SEC23B: variants seen among roughly 807,000 people sequenced by gnomAD.
SEC23B encodes the protein SEC23 homolog B, COPII component.
Under a neutral mutation model 104.3 loss-of-function variants are expected in SEC23B, and 77 were observed. The ratio of observed to expected loss-of-function variants is 0.74; its 90% confidence interval spans 0.61 to 0.89. The LOEUF (loss-of-function observed/expected upper bound fraction) is 0.89, where lower values mean the gene tolerates loss of function less well. Ranked by LOEUF, SEC23B falls within the 40% of genes least tolerant of loss-of-function variation. SEC23B has a pLI of 0.00. For synonymous variants in SEC23B, 338 were observed against 332.5 expected, an observed-to-expected ratio of 1.02 and a Z score of -0.18; for missense variants, 885 against 949.4, an observed-to-expected ratio of 0.93 and a Z score of 0.89.
intron 10 of SEC23B, among the ~76,000 whole-genome samples, chr20:18,532,133 T>C (rs1056449236): frequency 6.6e-6 from 1 of 152,240 alleles, no homozygotes; most frequent in Non-Finnish European, 1.5e-5. Flanking sequence ...TTAAATCATC[T>C]AGGTTAGACT....
intron 7 of SEC23B, 107 bp downstream of exon 7, chr20:18,526,039 T>C (rs756623301): frequency 5.9e-5 from 76 of 1,294,152 alleles, no homozygotes; most frequent in Non-Finnish European, 8.5e-5. Flanking sequence ...CAACCGTCTG[T>C]GTTAATGTAT....
intron 14 of SEC23B, 78 bp downstream of exon 14, chr20:18,543,250 T>C: frequency 6.4e-7 from 1 of 1,560,908 alleles, no homozygotes; most frequent in Non-Finnish European, 8.8e-7. Flanking sequence ...ACTTAATTAT[T>C]ATTATATAGT....
chr20:18,537,056 AC>A (rs2060238422), intron 12 of SEC23B, among the ~76,000 whole-genome samples: 1 of 152,122 alleles, frequency 6.6e-6, no homozygotes, highest in Non-Finnish European at 1.5e-5. Context: ...TACAGTTCAA[AC>A]CTGTGTTACT....
intron 2 of SEC23B, among the ~76,000 whole-genome samples, chr20:18,512,017 T>C (rs1391950455): frequency 1.3e-5 from 2 of 152,240 alleles, no homozygotes; most frequent in East Asian, 1.9e-4. Context: ...TCACTGTGGC[T>C]GTTTGATGGA....
At chr20:18,523,207 C>G (rs568458965) in intron 4 of SEC23B, among the ~76,000 whole-genome samples, 66 of 152,140 alleles carry the variant, frequency 4.3e-4, no homozygotes, top group Non-Finnish European at 7.5e-4. Context: ...TGCTAGTGTC[C>G]TCGTTCAGCC....
At chr20:18,555,391 A>T (rs2060427200) in intron 19 of SEC23B, among the ~76,000 whole-genome samples, 2 of 151,918 alleles carry the variant, frequency 1.3e-5, no homozygotes, top group South Asian at 4.1e-4. Context: ...CACAATATAC[A>T]GCAGAACATA....
At chr20:18,542,957 T>C in intron 13 of SEC23B, 62 bp from the exon 14 acceptor site, 7 of 1,604,012 alleles carry the variant, frequency 4.4e-6, no homozygotes, top group Non-Finnish European at 5.1e-6. Context: ...TTTTTCTGAA[T>C]GGATGTCTGG....
intron 12 of SEC23B, among the ~76,000 whole-genome samples, chr20:18,537,599 G>A (rs138280535): frequency 0.18 from 27,387 of 151,962 alleles, 2,786 homozygotes; most frequent in Non-Finnish European, 0.22. Flanking sequence ...GGTGGGGGAA[G>A]GGGGGAGGAA....
At chr20:18,546,571 G>C (rs573134119) in intron 15 of SEC23B, among the ~76,000 whole-genome samples, 22 of 152,336 alleles carry the variant, frequency 1.4e-4, no homozygotes, top group Admixed American at 1.4e-3. Context: ...CGTCTCCATT[G>C]TAACTTAGGA....
At chr20:18,556,046 C>T (rs2060434565) in intron 19 of SEC23B, among the ~76,000 whole-genome samples, 2 of 151,676 alleles carry the variant, frequency 1.3e-5, no homozygotes, top group South Asian at 4.2e-4. Flanking sequence ...AACCTAGATC[C>T]CTCACATGCG....
chr20:18,543,040 G>T lies in SEC23B; in HGVS notation c.1533G>T (p.Gln511His), dbSNP rs747278846. Residue 511 changes from glutamine to histidine, a missense_variant, in exon 14 of 20, where the codon CAG becomes CAT. Coordinates refer to ENST00000650089, the MANE Select transcript of SEC23B (RefSeq NM_006363.6). Reference sequence around the variant, plus strand: ...TCAGTTGGGCAGATGTACAGAGTCAGCTCAGGCACATAGAAGCAGCATTTG... The same window carrying T: ...TCAGTTGGGCAGATGTACAGAGTCATCTCAGGCACATAGAAGCAGCATTTG... ...IARNWADVQSQLRHIEAAFDQ... is the reference protein window; with the variant it reads ...IARNWADVQSHLRHIEAAFDQ... The T allele has an allele frequency of 1.9e-6, 3 of 1,614,090 alleles. No homozygotes were observed.
intron 4 of SEC23B, among the ~76,000 whole-genome samples, chr20:18,522,368 G>A (rs548166471): frequency 2.6e-5 from 4 of 152,318 alleles, no homozygotes; most frequent in South Asian, 2.1e-4. Context: ...GTCCGTGACC[G>A]GCGCGTTTTG....
chr20:18,537,355 G>GC, intron 12 of SEC23B, among the ~76,000 whole-genome samples: 4 of 151,958 alleles, frequency 2.6e-5, no homozygotes, highest in Admixed American at 6.6e-5. Context: ...GTCCAACAAT[G>GC]ATAGACTGGA....
intron 12 of SEC23B, among the ~76,000 whole-genome samples, chr20:18,536,622 G>A (rs1360672294): frequency 6.6e-6 from 1 of 151,784 alleles, no homozygotes; most frequent in East Asian, 1.9e-4. Flanking sequence ...AACCCAGGAG[G>A]CAGAGCTTGC....
intron 16 of SEC23B, 90 bp downstream of exon 16, chr20:18,548,860 A>G (rs548625669): frequency 1.5e-6 from 2 of 1,353,784 alleles, no homozygotes; most frequent in East Asian, 4.6e-5. Flanking sequence ...AACTGTAAAA[A>G]AGAAGTAAAA....
chr20:18,540,101 G>C (rs2060274285), intron 12 of SEC23B, among the ~76,000 whole-genome samples: 1 of 152,192 alleles, frequency 6.6e-6, no homozygotes, highest in African/African-American at 2.4e-5. Flanking sequence ...TGAATGATGA[G>C]TGTTTCAATG....
chr20:18,559,038 G>A (rs905526928), intron 19 of SEC23B, among the ~76,000 whole-genome samples: 10 of 130,558 alleles, frequency 7.7e-5, no homozygotes, highest in Admixed American at 6.1e-4. Context: ...GCTACTTTTC[G>A]CTGATTTTTT....
intron 2 of SEC23B, among the ~76,000 whole-genome samples, chr20:18,511,650 A>G (rs2059983261): frequency 6.6e-6 from 1 of 152,146 alleles, no homozygotes; most frequent in African/African-American, 2.4e-5. Context: ...CTTTTATTTA[A>G]TGTGCCCATA....
At chr20:18,555,221 T>A (rs1464037978) in intron 19 of SEC23B, 48 bp downstream of exon 19, 2 of 1,458,970 alleles carry the variant, frequency 1.4e-6, no homozygotes, top group Non-Finnish European at 1.9e-6. Flanking sequence ...TAGTTTTTTT[T>A]TAAACTTGTT....
Sources: allele counts gnomAD v4.1 joint callset (sites outside exome capture counted in the v4.1 genomes callset), GRCh38; gene constraint gnomAD v4.1.1; transcripts MANE v1.5; gene names NCBI Gene and HGNC (gene_info 2026-07-23, HGNC 2026-07-21).